Variants in PLEKHG2 observed in about 807,000 individuals in gnomAD.
The protein encoded by PLEKHG2 is pleckstrin homology and RhoGEF domain containing G2, also known as pleckstrin homology domain-containing family G member 2.
PLEKHG2 carries 71 observed loss-of-function variants against 104.4 expected under a neutral mutation model. The observed-to-expected ratio is 0.68, with a 90% CI of 0.56 to 0.83. The LOEUF (loss-of-function observed/expected upper bound fraction) is 0.83. PLEKHG2 is among the 40% of genes least tolerant of loss of function. PLEKHG2 has a pLI of 0.00. For synonymous variants in PLEKHG2, 728 were observed against 737.0 expected, an observed-to-expected ratio of 0.99 and a Z score of 0.20; for missense variants, 1,730 against 1,809.4, an observed-to-expected ratio of 0.96 and a Z score of 0.80.
In PLEKHG2 at chr19:39,415,354, C is replaced by G; in HGVS notation, c.394C>G (p.Leu132Val). The G allele has an allele frequency of 6.2e-7, 1 of 1,614,154 alleles. No individual in the cohort carries two copies. The highest frequency in any genetic ancestry group is 8.5e-7 in the Non-Finnish European group (1 of 1,180,010). ...RSIVEDYLGP[L>V]LDGGVLGLSV... ...ATCCCAACAGGACTACCTGGGCCCT[C>G]TGCTGGACGGCGGGGTCCTGGGGCT... The change falls in exon 4 of 19, where the codon CTG (leucine) becomes GTG (valine). Residue 132 changes from leucine (L) to valine (V), a missense_variant. By Grantham distance (32) the Leu-to-Val change is conservative. Coordinates refer to ENST00000425673, the MANE Select transcript of PLEKHG2 (RefSeq NM_022835.3). The surrounding 1 kb of genome is among the most constrained non-coding windows in gnomAD (Gnocchi z 4.6).
chr19:39,417,616 C>A lies in PLEKHG2; in HGVS notation c.806C>A (p.Ala269Asp), dbSNP rs866219282. The stretch of plus-strand genomic sequence containing the variant: ...GGGGGTCGCGAGATGGTGGAGGAAG[C>A]TATTGTGTCCATGACAGCGGTTGCC... ...GTGGREMVEE[A>D]IVSMTAVAWY... The change falls in exon 8 of 19, where the codon GCT becomes GAT. Residue 269 changes from alanine to aspartate, a missense_variant. By Grantham distance (126) the Ala-to-Asp change is moderately radical. Coordinates refer to ENST00000425673, the MANE Select transcript of PLEKHG2 (RefSeq NM_022835.3). The A allele has an allele frequency of 2.5e-6, 4 of 1,614,136 alleles. No individual in the cohort carries two copies. Among genetic ancestry groups the A allele is most frequent in the Non-Finnish European group, 3.4e-6 (4 of 1,180,030 alleles).
At chr19:39,417,376 C>T (rs1360332485) in intron 7 of PLEKHG2, among the ~76,000 whole-genome samples, 179 bp from the exon 8 acceptor site, 1 of 151,660 alleles carries the variant, frequency 6.6e-6, no homozygotes, top group Non-Finnish European at 1.5e-5. Context: ...TAGTCTCGAA[C>T]TCCTGGCCTC....
intron 11 of PLEKHG2, among the ~76,000 whole-genome samples, chr19:39,420,265 A>G (rs1389196149): frequency 6.6e-6 from 1 of 152,050 alleles, no homozygotes; most frequent in Non-Finnish European, 1.5e-5. Context: ...AGGCTGAGGC[A>G]GGAGAATCGC....
In PLEKHG2 at chr19:39,427,467, GCGCCCACGACCA is replaced by G. The variant is rs1285831679; in HGVS notation, c.*2180_*2191del. 1.3e-5 allele frequency: 2 copies of G among 152,006 alleles called. No individual in the cohort carries two copies. The highest frequency in any genetic ancestry group is 4.8e-5 in the African/African-American group (2 of 41,314). 9.4% of individuals were successfully genotyped at this position (152,006 alleles called of 1,614,324 possible). On this transcript the variant is annotated 3_prime_UTR_variant, in exon 19 of 19. Transcript: ENST00000425673. ...CTCCTGCCTCTAGCTGGGATTGCAGGCGCCCACGACCACGCCCAGCTAATTTTTGTATTTTGT... is the reference window on the plus strand; with the variant it reads ...CTCCTGCCTCTAGCTGGGATTGCAGGCGCCCAGCTAATTTTTGTATTTTGT...
chr19:39,424,042 C>G lies in PLEKHG2; in HGVS notation c.2909C>G (p.Thr970Arg). ...GPLHLQVPALTTFSDQGHPEI... is the reference protein window; with the variant it reads ...GPLHLQVPALRTFSDQGHPEI... ...CTGCACCTCCAGGTGCCGGCTCTTA[C>G]AACTTTCTCTGATCAAGGCCACCCA... is the stretch of plus-strand genomic sequence containing the variant. The change falls in exon 19 of 19, where the codon ACA becomes AGA. Residue 970 changes from threonine (T) to arginine (R), a missense_variant. Transcript: ENST00000425673. 2 of 1,614,020 alleles carry G rather than the reference C, an allele frequency of 1.2e-6. No individual in the cohort carries two copies. The highest frequency in any genetic ancestry group is 1.7e-6 in the Non-Finnish European group (2 of 1,179,964).
Position 39,417,961 on chromosome 19 carries a change from A to C in PLEKHG2, c.939A>C (p.Glu313Asp). Residue 313 changes from glutamate (E) to aspartate (D), a missense_variant, in exon 9 of 19, where the codon GAA (glutamate) becomes GAC (aspartate). Glu to Asp is a conservative substitution (Grantham distance 45, BLOSUM62 2). Coordinates refer to ENST00000425673, the MANE Select transcript of PLEKHG2 (RefSeq NM_022835.3). ...GACCAGAGCTCAGTGCTTTTGGGGA[A>C]CTGGTGTTGGAGGGCGCGTTCCGAG... ...WTGPELSAFG[E>D]LVLEGAFRGG... 1 of 1,544,848 alleles carries C rather than the reference A, an allele frequency of 6.5e-7. No homozygotes were observed. Among genetic ancestry groups the C allele is most frequent in the Non-Finnish European group, 8.7e-7 (1 of 1,146,154 alleles).
intron 16 of PLEKHG2, 26 bp from the exon 17 acceptor site, chr19:39,422,089 C>G: frequency 6.3e-7 from 1 of 1,589,520 alleles, no homozygotes; most frequent in East Asian, 2.3e-5. Flanking sequence ...TTGGCTCTTG[C>G]CTTCCATTGC....
rs958620787 is a variant in PLEKHG2, at chr19:39,416,451, G to C, written c.546+37G>C. 2 of 1,612,754 alleles carry C rather than the reference G, an allele frequency of 1.2e-6. No individual in the cohort carries two copies. Among genetic ancestry groups the C allele is most frequent in the Non-Finnish European group, 1.7e-6 (2 of 1,179,414 alleles). On this transcript the variant is annotated intron_variant, in intron 5 of 18. Coordinates refer to ENST00000425673, the MANE Select transcript of PLEKHG2 (RefSeq NM_022835.3). This position sits in a 1 kb window ranked among gnomAD's most constrained non-coding sequence, Gnocchi z 4.5. Reference sequence around the variant, plus strand: ...GGTGGGGGGCTCTCGGTCCTGGATGGGGCCTTTGTAGAGGGGGGAGAGCAG... The same window carrying C: ...GGTGGGGGGCTCTCGGTCCTGGATGCGGCCTTTGTAGAGGGGGGAGAGCAG...
chr19:39,419,030 C>T (rs754547168), intron 11 of PLEKHG2, 27 bp downstream of exon 11: 26 of 1,585,848 alleles, frequency 1.6e-5, no homozygotes, highest in Admixed American at 1.1e-4. Context: ...AGCCGGGGGC[C>T]CTCTGAGTGC....
At position 39,417,792 on chromosome 19, in the gene PLEKHG2, G is replaced by C. The variant is rs2078631279; in HGVS notation, c.882+100G>C. Reference sequence around the variant, plus strand: ...CAGTGCCTCAGAGGTAGCCTTGGAGGGTTGGCTGGGACAGCATGGCCCTGT... The same window carrying C: ...CAGTGCCTCAGAGGTAGCCTTGGAGCGTTGGCTGGGACAGCATGGCCCTGT... On this transcript the variant is annotated intron_variant, in intron 8 of 18. Transcript: ENST00000425673. 11 of 1,510,028 alleles carry C rather than the reference G, an allele frequency of 7.3e-6. No homozygotes were observed. The South Asian group carries it at 1.3e-4, about 17-fold the overall frequency. 93.5% of individuals were successfully genotyped at this position (1,510,028 alleles called of 1,614,324 possible).
At position 39,425,169 on chromosome 19, in the gene PLEKHG2, G is replaced by A. The variant is rs200457168; in HGVS notation, c.4036G>A (p.Gly1346Ser). Residue 1346 changes from glycine (G) to serine (S), a missense_variant, in exon 19 of 19, where the codon GGT (glycine) becomes AGT (serine). Coordinates refer to ENST00000425673, the MANE Select transcript of PLEKHG2 (RefSeq NM_022835.3). ...GACGGTTAACATCCACGTGGGCGGG[G>A]GTGGGCGGCTGCGGCCAGCCAAGGC... is the stretch of plus-strand genomic sequence containing the variant. ...ATTVNIHVGGGGRLRPAKAQV... is the reference protein window; with the variant it reads ...ATTVNIHVGGSGRLRPAKAQV... 1.2e-6 allele frequency: 2 copies of A among 1,602,146 alleles called. No individual in the cohort carries two copies. Among genetic ancestry groups the A allele is most frequent in the East Asian group, 4.5e-5 (2 of 44,846 alleles).
At chr19:39,418,175 GC>G in intron 9 of PLEKHG2, 70 bp downstream of exon 9, 1 of 1,296,342 alleles carries the variant, frequency 7.7e-7, no homozygotes. Flanking sequence ...GTATCTGTGT[GC>G]CCGGCAGTGT....
intron 2 of PLEKHG2, 42 bp from the exon 3 acceptor site, chr19:39,414,950 C>G (rs1314456480): frequency 6.5e-7 from 1 of 1,537,466 alleles, no homozygotes; most frequent in Admixed American, 1.9e-5. Flanking sequence ...GAAGTCCGTG[C>G]ATGGGGAGAT....
chr19:39,421,305 A>C lies in PLEKHG2; in HGVS notation c.1503+6A>C. 1 of 1,613,314 alleles carries C rather than the reference A, an allele frequency of 6.2e-7. No homozygotes were observed. The highest frequency in any genetic ancestry group is 8.5e-7 in the Non-Finnish European group (1 of 1,179,306). ...TAGCTAAGCCTGGATTCAAGGTAAGAGATATCTCGAGATAGGGTCTGGGCA... is the reference window on the plus strand; with the variant it reads ...TAGCTAAGCCTGGATTCAAGGTAAGCGATATCTCGAGATAGGGTCTGGGCA... On this transcript the variant is annotated splice_donor_region_variant and intron_variant, in intron 16 of 18. Coordinates refer to ENST00000425673, the MANE Select transcript of PLEKHG2 (RefSeq NM_022835.3).
chr19:39,414,258 G>A, intron 2 of PLEKHG2, 63 bp downstream of exon 2: 1 of 1,496,698 alleles, frequency 6.7e-7, no homozygotes, highest in Non-Finnish European at 9.1e-7. Flanking sequence ...ATGCTGTCAA[G>A]GCAGGGTGAT....
intron 17 of PLEKHG2, 131 bp downstream of exon 17, chr19:39,422,419 C>G: frequency 9.0e-7 from 1 of 1,109,004 alleles, no homozygotes; most frequent in Non-Finnish European, 1.2e-6. Context: ...GCTCTGTTGC[C>G]GAGGCTGGAG....
rs745882083 is a variant in PLEKHG2 at position 39,422,722 on chromosome 19, C to A, written c.1678-10C>A. On this transcript the variant is annotated splice_polypyrimidine_tract_variant and intron_variant, in intron 17 of 18. Coordinates refer to ENST00000425673, the MANE Select transcript of PLEKHG2 (RefSeq NM_022835.3). ...GATATGTTTGGCTTGTTCTCCTGTG[C>A]CCACTATAGCCGTCCACCCATGACA... is the stretch of plus-strand genomic sequence containing the variant. 6.6e-7 allele frequency: 1 copy of A among 1,515,202 alleles called. No homozygotes were observed. The highest frequency in any genetic ancestry group is 2.3e-5 in the Admixed American group (1 of 43,824). 93.9% of individuals were successfully genotyped at this position (1,515,202 alleles called of 1,614,324 possible). A position where few individuals can be genotyped will look rare whatever the true frequency, so the allele number is the denominator to read the frequency against.
rs1429546307 is a variant in PLEKHG2 at position 39,419,753 on chromosome 19, C to T, written c.1263+750C>T. Among the ~76,000 whole-genome samples the T allele has an allele frequency of 2.6e-5, 4 of 151,984 alleles. No homozygotes were observed. The East Asian group carries it at 5.8e-4, about 22-fold the overall frequency. ...TTAGCCAGGCGTGGTGGCAGGTGCC[C>T]GTAGTCCCAGCTACTCGGGAGGCTG... On this transcript the variant is annotated intron_variant, in intron 11 of 18. Coordinates refer to ENST00000425673, the MANE Select transcript of PLEKHG2 (RefSeq NM_022835.3).
Position 39,420,629 on chromosome 19 carries a change from A to G in PLEKHG2, c.1267A>G (p.Lys423Glu). The change falls in exon 12 of 19, where the codon AAG (lysine) becomes GAG (glutamate). Residue 423 changes from lysine (K) to glutamate (E), a missense_variant. By Grantham distance (56) the Lys-to-Glu change is moderately conservative. Coordinates refer to ENST00000425673, the MANE Select transcript of PLEKHG2 (RefSeq NM_022835.3). ...CCCTCATCCTCCTGTCTTTCAGGCAAAGCAAGTTCTCCTTGAAAACAGCCT... is the reference window on the plus strand; with the variant it reads ...CCCTCATCCTCCTGTCTTTCAGGCAGAGCAAGTTCTCCTTGAAAACAGCCT... ...NHPASIPAKA[K>E]QVLLENSLHC... The G allele has an allele frequency of 6.2e-7, 1 of 1,614,166 alleles. No homozygotes were observed. Among genetic ancestry groups the G allele is most frequent in the Non-Finnish European group, 8.5e-7 (1 of 1,180,022 alleles).
Sources: allele counts gnomAD v4.1 joint callset (sites outside exome capture counted in the v4.1 genomes callset), GRCh38; gene constraint gnomAD v4.1.1; non-coding constraint Gnocchi (gnomAD v3.1); transcripts MANE v1.5; gene names NCBI Gene and HGNC (gene_info 2026-07-23, HGNC 2026-07-21).